NBEAL1: variants seen among roughly 807,000 people sequenced by gnomAD.
NBEAL1 encodes neurobeachin like 1.
Under a neutral mutation model 351.3 loss-of-function variants are expected in NBEAL1, and 273 were observed. The observed-to-expected ratio is 0.78, with a 90% CI of 0.70 to 0.86. The LOEUF (loss-of-function observed/expected upper bound fraction) is 0.86, where lower values mean the gene tolerates loss of function less well. Ranked by LOEUF, NBEAL1 falls within the 40% of genes least tolerant of loss-of-function variation. The pLI, the probability that NBEAL1 is intolerant of heterozygous loss-of-function variation, is 0.00. For missense variants in NBEAL1, 2,961 were observed against 3,201.3 expected (o/e 0.92, Z 1.81); for synonymous variants, 1,050 against 1,086.4 (o/e 0.97, Z 0.66).
At chr2:203,151,826 G>C (rs180760438) in intron 35 of NBEAL1, among the ~76,000 whole-genome samples, 178 of 152,186 alleles carry the variant, frequency 1.2e-3, no homozygotes, top group African/African-American at 4.2e-3. Context: ...AATTATAAAA[G>C]TATACTGTAC....
chr2:203,131,400 G>A (rs1320237171), intron 25 of NBEAL1, among the ~76,000 whole-genome samples: 1 of 152,078 alleles, frequency 6.6e-6, no homozygotes, highest in Admixed American at 6.6e-5. Context: ...ATTTTTAGTA[G>A]AGACAGGGTT....
At chr2:203,092,800 G>A (rs2062092382) in intron 10 of NBEAL1, among the ~76,000 whole-genome samples, 1 of 152,102 alleles carries the variant, frequency 6.6e-6, no homozygotes, top group Non-Finnish European at 1.5e-5. Flanking sequence ...ACTGTTTTGA[G>A]GGATATTTCT....
At chr2:203,073,147 T>C (rs911541634) in intron 7 of NBEAL1, among the ~76,000 whole-genome samples, 13 of 152,188 alleles carry the variant, frequency 8.5e-5, no homozygotes, top group African/African-American at 3.1e-4. Context: ...CAAGTGATCT[T>C]ACCACCTCAG....
intron 12 of NBEAL1, among the ~76,000 whole-genome samples, chr2:203,105,206 T>G (rs1442672296): frequency 1.3e-5 from 2 of 151,844 alleles, no homozygotes; most frequent in African/African-American, 4.8e-5. Context: ...CTCACACCTG[T>G]GATCCCAGCA....
In NBEAL1 at chr2:203,135,798, A is replaced by G. The variant is rs1003991044; in HGVS notation, c.3935A>G (p.His1312Arg). ...AAATTTGAAAACGGAAATACTCTTCATAAGCACAGTAGAGCTGTTTTAATG... is the reference window on the plus strand; with the variant it reads ...AAATTTGAAAACGGAAATACTCTTCGTAAGCACAGTAGAGCTGTTTTAATG... ...KAKFENGNTL[H>R]KHSRAVLMKD... The change falls in exon 28 of 56, where the codon CAT (histidine) becomes CGT (arginine). Residue 1312 changes from histidine to arginine, a missense_variant. By Grantham distance (29) the His-to-Arg change is conservative. Coordinates refer to ENST00000683969, the MANE Select transcript of NBEAL1 (RefSeq NM_001378026.1). 6.2e-7 allele frequency: 1 copy of G among 1,613,212 alleles called. No homozygotes were observed. Among genetic ancestry groups the G allele is most frequent in the African/African-American group, 1.3e-5 (1 of 75,064 alleles).
At chr2:203,055,823 A>G (rs556722442) in intron 4 of NBEAL1, among the ~76,000 whole-genome samples, 88 of 152,318 alleles carry the variant, frequency 5.8e-4, no homozygotes, top group African/African-American at 2.1e-3. Flanking sequence ...GAGGGACCAT[A>G]TTTTAGTTAA....
At chr2:203,064,897 T>TGTGGTATA (rs1160022999) in intron 6 of NBEAL1, among the ~76,000 whole-genome samples, 5 of 152,204 alleles carry the variant, frequency 3.3e-5, no homozygotes, top group Non-Finnish European at 5.9e-5. Flanking sequence ...TATATAAAAC[T>TGTGGTATA]ATATCCCTAT....
rs563116246 is a variant in NBEAL1 at position 203,224,917 on chromosome 2, C to T, written c.*7563C>T. Among the ~76,000 whole-genome samples the T allele has an allele frequency of 1.8e-4, 27 of 152,188 alleles. 1 individual carries two copies. The South Asian group carries it at 5.4e-3, about 30-fold the overall frequency. The stretch of plus-strand genomic sequence containing the variant: ...GTTTGGTGCAATACATTCTTTCCTT[C>T]CTCATCCTTTTAAAATTAAATATAT... On this transcript the variant is annotated 3_prime_UTR_variant, in exon 56 of 56. Transcript: ENST00000683969.
Position 203,122,267 on chromosome 2 carries a change from C to T in NBEAL1, c.2606C>T (p.Ser869Leu). ...LYYTAKACKN[S>L]ICLDLSTNCL... Reference sequence around the variant, plus strand: ...TTTTATTCTTAGGCCTGCAAAAATTCAATCTGTCTTGATTTATCTACTAAT... The same window carrying T: ...TTTTATTCTTAGGCCTGCAAAAATTTAATCTGTCTTGATTTATCTACTAAT... Residue 869 changes from serine to leucine, a missense_variant, in exon 19 of 56, where the codon TCA becomes TTA. Coordinates refer to ENST00000683969, the MANE Select transcript of NBEAL1 (RefSeq NM_001378026.1). 1 of 1,529,494 alleles carries T rather than the reference C, an allele frequency of 6.5e-7. No individual in the cohort carries two copies. Among genetic ancestry groups the T allele is most frequent in the South Asian group, 1.3e-5 (1 of 78,516 alleles). 94.7% of individuals were successfully genotyped at this position (1,529,494 alleles called of 1,614,324 possible).
At chr2:203,063,261 G>A (rs1215646525) in intron 6 of NBEAL1, among the ~76,000 whole-genome samples, 2 of 152,056 alleles carry the variant, frequency 1.3e-5, no homozygotes, top group East Asian at 3.9e-4. Context: ...AATTGGTTGA[G>A]GCCAGGAGTG....
chr2:203,208,139 G>A (rs928251657), intron 51 of NBEAL1, among the ~76,000 whole-genome samples: 4 of 152,006 alleles, frequency 2.6e-5, no homozygotes, highest in East Asian at 1.9e-4. Flanking sequence ...TTAAAAATTA[G>A]CCAGGCATGG....
At chr2:203,040,792 C>T in intron 2 of NBEAL1, 1 of 533,270 alleles carries the variant, frequency 1.9e-6, no homozygotes. Flanking sequence ...TCTTGGCTCA[C>T]TGCAACCTCC....
At chr2:203,087,003 T>G (rs182044436) in intron 10 of NBEAL1, among the ~76,000 whole-genome samples, 20 of 152,312 alleles carry the variant, frequency 1.3e-4, no homozygotes, top group African/African-American at 4.6e-4. Flanking sequence ...AAATACAGCT[T>G]TTTATTCTCA....
chr2:203,114,662 T>C (rs2062649584), intron 17 of NBEAL1, among the ~76,000 whole-genome samples: 1 of 152,222 alleles, frequency 6.6e-6, no homozygotes, highest in Non-Finnish European at 1.5e-5. Context: ...AAATATCTTT[T>C]TTAGATTGCA....
At chr2:203,053,420 T>A (rs1329941303) in intron 4 of NBEAL1, among the ~76,000 whole-genome samples, 1 of 152,204 alleles carries the variant, frequency 6.6e-6, no homozygotes, top group Non-Finnish European at 1.5e-5. Context: ...AAAATTGAAT[T>A]GTTTTCTTAT....
chr2:203,076,908 A>G (rs529762632), intron 7 of NBEAL1, among the ~76,000 whole-genome samples: 4 of 152,148 alleles, frequency 2.6e-5, no homozygotes, highest in Admixed American at 1.3e-4. Context: ...TCTCTTTACT[A>G]AGACTATTAC....
intron 3 of NBEAL1, among the ~76,000 whole-genome samples, chr2:203,044,355 T>C (rs189092114): frequency 6.6e-6 from 1 of 152,344 alleles, no homozygotes; most frequent in Non-Finnish European, 1.5e-5. Context: ...TTAGAAGGAC[T>C]TCTGTTTTAA....
chr2:203,208,708 T>C lies in NBEAL1; in HGVS notation c.7578T>C (p.Ser2526=). ...ILYGHTNEVL[S]VGISTELDMA... ...ATGGACACACCAACGAGGTACTGAG[T>C]GTCGGCATCAGCACTGAGCTAGACA... Residue 2526 remains serine (S), a synonymous_variant, in exon 52 of 56, where the codon AGT becomes AGC. Coordinates refer to ENST00000683969, the MANE Select transcript of NBEAL1 (RefSeq NM_001378026.1). 1 of 1,612,722 alleles carries C rather than the reference T, an allele frequency of 6.2e-7. No homozygotes were observed. Among genetic ancestry groups the C allele is most frequent in the Non-Finnish European group, 8.5e-7 (1 of 1,179,698 alleles).
At chr2:203,134,520 T>C (rs960603263) in intron 27 of NBEAL1, among the ~76,000 whole-genome samples, 1 of 152,166 alleles carries the variant, frequency 6.6e-6, no homozygotes, top group Non-Finnish European at 1.5e-5. Flanking sequence ...CTTACCAACA[T>C]TGTTCATCTC....
Sources: allele counts gnomAD v4.1 joint callset (sites outside exome capture counted in the v4.1 genomes callset), GRCh38; gene constraint gnomAD v4.1.1; transcripts MANE v1.5; gene names NCBI Gene and HGNC (gene_info 2026-07-23, HGNC 2026-07-21).